Variants in FNDC1 observed in about 807,000 individuals in gnomAD.
FNDC1 encodes the protein fibronectin type III domain-containing protein 1.
In FNDC1, 96 loss-of-function variants were observed where a neutral mutation model predicts 168.0. That is an observed-to-expected ratio of 0.57 (90% CI 0.48 to 0.68). The LOEUF is 0.68. Ranked by LOEUF, FNDC1 falls within the 30% of genes least tolerant of loss-of-function variation. The pLI is 0.00. For missense variants in FNDC1, 2,587 were observed against 2,482.1 expected (o/e 1.04, Z -0.90); for synonymous variants, 1,099 against 1,025.9 (o/e 1.07, Z -1.36).
chr6:159,205,040 C>T (rs294918), intron 4 of FNDC1, among the ~76,000 whole-genome samples: 42,085 of 151,934 alleles, frequency 0.28, 6,394 homozygotes, highest in East Asian at 0.65. Flanking sequence ...GGGCTGTTGT[C>T]ACCTTCTCTT....
intron 22 of FNDC1, among the ~76,000 whole-genome samples, chr6:159,268,730 C>CTATCTATG (rs1777643227): frequency 2.0e-5 from 3 of 151,264 alleles, no homozygotes; most frequent in Admixed American, 6.6e-5. Context: ...ATCCATCTAT[C>CTATCTATG]TATCTATCTA....
intron 5 of FNDC1, among the ~76,000 whole-genome samples, chr6:159,217,244 A>G (rs1040799373): frequency 1.3e-5 from 2 of 152,202 alleles, no homozygotes; most frequent in Non-Finnish European, 2.9e-5. Context: ...GCCTGCACAG[A>G]GAGAAACAGG....
chr6:159,268,589 C>G (rs1451497393), intron 22 of FNDC1, among the ~76,000 whole-genome samples: 1 of 151,648 alleles, frequency 6.6e-6, no homozygotes, highest in African/African-American at 2.4e-5. Context: ...CTATCCGTCT[C>G]TCTCTCTCTA....
chr6:159,231,982 C>G lies in FNDC1; in HGVS notation c.1470C>G (p.His490Gln). The change falls in exon 11 of 23, where the codon CAC (histidine) becomes CAG (glutamine). Residue 490 changes from histidine (H) to glutamine (Q), a missense_variant. Transcript: ENST00000297267. ...CCAGAGCTCCAGCTTCCTCCCAACA[C>G]CCCTCTGTGCCTGCTTCTCCCCAAG... is the stretch of plus-strand genomic sequence containing the variant. ...PSPRAPASSQ[H>Q]PSVPASPQGR... The G allele has an allele frequency of 6.2e-7, 1 of 1,614,018 alleles. No individual in the cohort carries two copies.
Position 159,232,528 on chromosome 6 carries a change from C to T in FNDC1, c.2016C>T (p.Pro672=). 1.9e-6 allele frequency: 3 copies of T among 1,612,340 alleles called. No individual in the cohort carries two copies. Among genetic ancestry groups the T allele is most frequent in the Non-Finnish European group, 8.5e-7 (1 of 1,179,358 alleles). The change falls in exon 11 of 23, where the codon CCC becomes CCT. Residue 672 remains proline (P), a synonymous_variant. Coordinates refer to ENST00000297267, the MANE Select transcript of FNDC1 (RefSeq NM_032532.3). This position sits in a 1 kb window ranked among gnomAD's most constrained non-coding sequence, Gnocchi z 4.9. ...CCCAGCCCCGGCCAGCCCTGTCCCC[C>T]AGCCGCCAGTCCCCGTCCAGCGTTC... ...AFAQPRPALS[P]SRQSPSSVLR...
At chr6:159,247,024 T>C in intron 15 of FNDC1, 55 bp downstream of exon 15, 1 of 1,275,702 alleles carries the variant, frequency 7.8e-7, no homozygotes. Context: ...AATCAAAGGA[T>C]CTGATTGTAA....
At position 159,197,625 on chromosome 6, in the gene FNDC1, G is replaced by C; in HGVS notation, c.304G>C (p.Glu102Gln). 2 of 1,608,306 alleles carry C rather than the reference G, an allele frequency of 1.2e-6. No homozygotes were observed. The highest frequency in any genetic ancestry group is 1.7e-6 in the Non-Finnish European group (2 of 1,177,016). ...ETYSFLIEDV[E>Q]PGVVYFVLLT... ...ATACTCCTTCCTTATTGAGGATGTGGGTAAGTGACACTCTGATCTTGTTCC... is the reference window on the plus strand; with the variant it reads ...ATACTCCTTCCTTATTGAGGATGTGCGTAAGTGACACTCTGATCTTGTTCC... Residue 102 changes from glutamate (E) to glutamine (Q), a missense_variant and splice_region_variant, in exon 2 of 23, where the codon GAG becomes CAG. Coordinates refer to ENST00000297267, the MANE Select transcript of FNDC1 (RefSeq NM_032532.3).
At chr6:159,256,968 C>T (rs1372493077) in intron 18 of FNDC1, among the ~76,000 whole-genome samples, 2 of 152,228 alleles carry the variant, frequency 1.3e-5, no homozygotes, top group Non-Finnish European at 2.9e-5. Context: ...TCATGACCTT[C>T]ATATGTGAAA....
At chr6:159,252,041 C>A (rs1777279923) in intron 17 of FNDC1, among the ~76,000 whole-genome samples, 1 of 152,136 alleles carries the variant, frequency 6.6e-6, no homozygotes, top group Admixed American at 6.5e-5. Flanking sequence ...CCAGACAAAT[C>A]TGGGTGCTTC....
At chr6:159,199,060 T>A (rs1782315603) in intron 2 of FNDC1, among the ~76,000 whole-genome samples, 1 of 152,234 alleles carries the variant, frequency 6.6e-6, no homozygotes, top group African/African-American at 2.4e-5. Flanking sequence ...CTTTGAGAAA[T>A]GTCATTGTCA....
rs531544658 is a variant in FNDC1, at chr6:159,245,742, AT to A, written c.4622-1135del. On this transcript the variant is annotated intron_variant, in intron 14 of 22. Coordinates refer to ENST00000297267, the MANE Select transcript of FNDC1 (RefSeq NM_032532.3). ...TAATATCAGTTTAGTCATTATGGTAATTTTTTTTTTTTTTTTTTTTTTTTGA... is the reference window on the plus strand; with the variant it reads ...TAATATCAGTTTAGTCATTATGGTAATTTTTTTTTTTTTTTTTTTTTTTGA... Among the ~76,000 whole-genome samples the A allele has an allele frequency of 1.5e-3, 30 of 19,776 alleles. 3 individuals are homozygous for A. The highest frequency in any genetic ancestry group is 8.6e-3 in the East Asian group (16 of 1,852). 13.0% of individuals were successfully genotyped at this position (19,776 alleles called of 152,430 possible).
chr6:159,190,044 G>T (rs887138032), intron 1 of FNDC1, among the ~76,000 whole-genome samples: 1 of 152,318 alleles, frequency 6.6e-6, no homozygotes, highest in East Asian at 1.9e-4. Flanking sequence ...AGCCTTCTGG[G>T]GTCCTGATAG....
Position 159,269,293 on chromosome 6 carries a change from C to CTATCTATCTATCT in FNDC1, c.5569+1367_5569+1368insTATCTATCTATCT, listed in dbSNP as rs1264747492. 1.8e-3 allele frequency among the ~76,000 whole-genome samples: 57 copies of CTATCTATCTATCT among 32,258 alleles called. 3 individuals are homozygous for CTATCTATCTATCT. The highest frequency in any genetic ancestry group is 5.0e-3 in the South Asian group (4 of 804). 21.2% of individuals were successfully genotyped at this position (32,258 alleles called of 152,430 possible). On this transcript the variant is annotated intron_variant, in intron 22 of 22. Coordinates refer to ENST00000297267, the MANE Select transcript of FNDC1 (RefSeq NM_032532.3). ...CTATCTATCTATCTATCTATCTATC[C>CTATCTATCTATCT]ATCCATCCATCTATCCTATCTATTT...
At position 159,221,711 on chromosome 6, in the gene FNDC1, A is replaced by T. The variant is rs551765892; in HGVS notation, c.766+15A>T. The T allele has an allele frequency of 7.0e-5, 112 of 1,598,340 alleles. No homozygotes were observed. The highest frequency in any genetic ancestry group is 4.5e-4 in the East Asian group (20 of 44,790). On this transcript the variant is annotated intron_variant, in intron 6 of 22. Transcript: ENST00000297267. ...AAAGATTTCAGGTATGTTTCTAAGG[A>T]TGCATTTGGTCAAACCATAGTCTGG...
chr6:159,256,089 G>T lies in FNDC1; in HGVS notation c.5066-434G>T, dbSNP rs192465288. 5.3e-5 allele frequency among the ~76,000 whole-genome samples: 8 copies of T among 152,302 alleles called. No individual in the cohort carries two copies. The East Asian group carries it at 9.6e-4, about 18-fold the overall frequency. On this transcript the variant is annotated intron_variant, in intron 17 of 22. Transcript: ENST00000297267. ...TGGGCGTGTGGGGTCTCTCAGCCCC[G>T]CACACATGCACAGCATCCACCAACA...
intron 16 of FNDC1, among the ~76,000 whole-genome samples, chr6:159,251,028 GT>G (rs2115014873): frequency 6.6e-6 from 1 of 152,324 alleles, no homozygotes; most frequent in South Asian, 2.1e-4. Context: ...TTGAATTATA[GT>G]TTCATGATCT....
intron 1 of FNDC1, among the ~76,000 whole-genome samples, chr6:159,195,948 G>A (rs540342500): frequency 1.5e-4 from 23 of 152,236 alleles, no homozygotes; most frequent in Admixed American, 8.5e-4. Flanking sequence ...TGTAGTTTTC[G>A]GATATCTTGT....
chr6:159,263,054 G>C (rs141097403), intron 19 of FNDC1, among the ~76,000 whole-genome samples: 2,299 of 152,340 alleles, frequency 0.015, 63 homozygotes, highest in African/African-American at 0.052. Flanking sequence ...AGTCAACGTA[G>C]TGTGTGACAC....
At chr6:159,200,774 T>C (rs966948751) in intron 4 of FNDC1, among the ~76,000 whole-genome samples, 193 bp downstream of exon 4, 7 of 152,252 alleles carry the variant, frequency 4.6e-5, no homozygotes, top group African/African-American at 1.2e-4. Context: ...GTGTTGCTTA[T>C]TGTTCACCGT....
Sources: gnomAD v4.1 joint callset for allele counts (sites outside exome capture counted in the v4.1 genomes callset) on GRCh38, gnomAD v4.1.1 for gene constraint, Gnocchi (gnomAD v3.1) non-coding constraint, MANE v1.5 for transcripts, NCBI Gene and HGNC (gene_info 2026-07-23, HGNC 2026-07-21) for gene names.